GBP3: variants seen among roughly 807,000 people sequenced by gnomAD.
The protein encoded by GBP3 is guanylate binding protein 3.
GBP3 carries 55 observed loss-of-function variants against 62.4 expected under a neutral mutation model. The ratio of observed to expected loss-of-function variants is 0.88; its 90% CI spans 0.71 to 1.10. GBP3 has a LOEUF of 1.10. GBP3 is among the 50% of genes least tolerant of loss of function. The pLI is 0.00. For synonymous variants in GBP3, 208 were observed against 259.2 expected, an observed-to-expected ratio of 0.80 and a Z score of 1.90; for missense variants, 605 against 690.6, an observed-to-expected ratio of 0.88 and a Z score of 1.39.
intron 10 of GBP3, among the ~76,000 whole-genome samples, chr1:89,008,110 T>C (rs1178734103): frequency 1.3e-5 from 2 of 152,138 alleles, no homozygotes; most frequent in Non-Finnish European, 2.9e-5. Context: ...CTATTAATTA[T>C]ACAAAACCTT....
In GBP3 at chr1:89,006,886, C is replaced by T. The variant is rs1425787716; in HGVS notation, c.*838G>A. Reference sequence around the variant, plus strand: ...AAATTGGCAGGATTTCAAGTATGACCTTTAAGAATCAGGAAAAGACTAACT... The same window carrying T: ...AAATTGGCAGGATTTCAAGTATGACTTTTAAGAATCAGGAAAAGACTAACT... On this transcript the variant is annotated 3_prime_UTR_variant, in exon 11 of 11. Transcript: ENST00000370481. The T allele has an allele frequency of 6.6e-6, 1 of 152,130 alleles. No homozygotes were observed. The highest frequency in any genetic ancestry group is 1.5e-5 in the Non-Finnish European group (1 of 68,026). 9.4% of individuals were successfully genotyped at this position (152,130 alleles called of 1,614,324 possible).
intron 5 of GBP3, 131 bp downstream of exon 5, chr1:89,013,952 A>G (rs1678730436): frequency 1.0e-6 from 1 of 989,960 alleles, no homozygotes; most frequent in African/African-American, 1.6e-5. Flanking sequence ...AATAGCAAGC[A>G]TTAATTCTTA....
chr1:89,011,453 C>T (rs1392461424), intron 7 of GBP3, among the ~76,000 whole-genome samples: 1 of 139,468 alleles, frequency 7.2e-6, no homozygotes, highest in African/African-American at 2.5e-5. Flanking sequence ...TTGCATTTGG[C>T]TAGAATATCA....
intron 3 of GBP3, 26 bp from the exon 4 acceptor site, chr1:89,014,682 A>G: frequency 6.2e-7 from 1 of 1,613,746 alleles, no homozygotes; most frequent in African/African-American, 1.3e-5. Flanking sequence ...CACTGGAGTC[A>G]GGAGCAAGTT....
intron 2 of GBP3, among the ~76,000 whole-genome samples, chr1:89,019,160 A>G (rs535069556): frequency 5.2e-5 from 8 of 152,384 alleles, no homozygotes; most frequent in African/African-American, 1.9e-4. Flanking sequence ...AGATATTCAG[A>G]CACCCATGAT....
chr1:89,014,731 G>GTATATC (rs1678791004), intron 3 of GBP3, 75 bp from the exon 4 acceptor site: 2 of 1,569,378 alleles, frequency 1.3e-6, no homozygotes, highest in Admixed American at 1.7e-5. Context: ...AGTAGTAAAA[G>GTATATC]TATATCATAA....
At chr1:89,011,613 G>T in intron 7 of GBP3, 134 bp downstream of exon 7, 1 of 1,105,274 alleles carries the variant, frequency 9.0e-7, no homozygotes, top group East Asian at 2.7e-5. Context: ...TGATTATTAT[G>T]ATTACCAAGA....
At chr1:89,007,944 C>T (rs1678325770) in intron 10 of GBP3, 92 bp from the exon 11 acceptor site, 4 of 1,186,956 alleles carry the variant, frequency 3.4e-6, no homozygotes, top group African/African-American at 3.1e-5. Context: ...TTATTTAGTA[C>T]TTAGTTTTTT....
chr1:89,007,759 T>A lies in GBP3; in HGVS notation c.1753A>T (p.Thr585Ser). 2 of 1,564,750 alleles carry A rather than the reference T, an allele frequency of 1.3e-6. No individual in the cohort carries two copies. The highest frequency in any genetic ancestry group is 1.7e-6 in the Non-Finnish European group (2 of 1,143,324). The change falls in exon 11 of 11, where the codon ACC becomes TCC. Residue 585 changes from threonine (T) to serine (S), a missense_variant. This residue lies in a region of GBP3 where 160 missense variants were observed against 147.8 expected (regional missense o/e 1.08). Coordinates refer to ENST00000370481, the MANE Select transcript of GBP3 (RefSeq NM_018284.3). ...AGCTTATGCGACATATATCTCTTGG[T>A]TTTTTTTTTCAGGGTCTTCTGTAGC... The part of the protein sequence containing the change: ...QKLQKTLKKK[T>S]KRYMSHKLKI
At chr1:89,018,003 C>T (rs1043251959) in intron 2 of GBP3, among the ~76,000 whole-genome samples, 6 of 151,742 alleles carry the variant, frequency 4.0e-5, no homozygotes, top group South Asian at 4.2e-4. Flanking sequence ...CGCTTGAACC[C>T]GGGAGGTGGA....
chr1:89,019,347 G>T (rs189441634), intron 2 of GBP3, among the ~76,000 whole-genome samples: 1 of 152,252 alleles, frequency 6.6e-6, no homozygotes, highest in African/African-American at 2.4e-5. Context: ...GGAGTGCAAA[G>T]GCACGATCTT....
chr1:89,014,843 G>GT (rs1313023166), intron 3 of GBP3, among the ~76,000 whole-genome samples, 187 bp from the exon 4 acceptor site: 3 of 152,200 alleles, frequency 2.0e-5, no homozygotes, highest in East Asian at 3.8e-4. Flanking sequence ...TTTGATTAGT[G>GT]TTTTTTGGTA....
At chr1:89,021,788 T>TGAGAGAGAGAGAGAGAGAGAGAGA (rs146229731) in intron 1 of GBP3, among the ~76,000 whole-genome samples, 14 of 65,360 alleles carry the variant, frequency 2.1e-4, no homozygotes, top group South Asian at 1.8e-3. Flanking sequence ...GCTGGAAAGA[T>TGAGAGAGAGAGAGAGAGAGAGAGA]GAGAGAGAGA....
rs140601989 is a variant in GBP3, at chr1:89,009,040, A to T, written c.1566T>A (p.Tyr522Ter). 4 of 1,614,174 alleles carry T rather than the reference A, an allele frequency of 2.5e-6. No homozygotes were observed. The highest frequency in any genetic ancestry group is 3.4e-6 in the Non-Finnish European group (4 of 1,180,010). Reference sequence around the variant, plus strand: ...CAGTCAATTGTTTCACATGTTCTTGATAACTCTTCTCTTTCTCTTCCATCA... The same window carrying T: ...CAGTCAATTGTTTCACATGTTCTTGTTAACTCTTCTCTTTCTCTTCCATCA... ...QQMMEEKEKS[Y>*]QEHVKQLTEK... Residue 522 changes from tyrosine (Y) to a stop codon, truncating the protein, a stop_gained, in exon 10 of 11, where the codon TAT becomes TAA. Transcript: ENST00000370481. LOFTEE classifies it high-confidence loss of function.
At chr1:89,021,510 G>GCGCGCGCGCGCACACACACACA (rs751639388) in intron 1 of GBP3, among the ~76,000 whole-genome samples, 4 of 131,738 alleles carry the variant, frequency 3.0e-5, no homozygotes, top group African/African-American at 1.2e-4. Context: ...GCGCGCGCGC[G>GCGCGCGCGCGCACACACACACA]CACACACACA....
chr1:89,014,578 T>G lies in GBP3; in HGVS notation c.397A>C (p.Thr133Pro). Residue 133 changes from threonine to proline, a missense_variant, in exon 4 of 11, where the codon ACC (threonine) becomes CCC (proline). Transcript: ENST00000370481. Reference protein sequence around the residue: ...SSTLVYNSMGTINQQAMDQLY... With the variant: ...SSTLVYNSMGPINQQAMDQLY... ...TGGTCCATAGCCTGCTGGTTGATGG[T>G]TCCCATGCTATTGTACACGAGAGTG... The G allele has an allele frequency of 6.2e-7, 1 of 1,614,126 alleles. No homozygotes were observed. Among genetic ancestry groups the G allele is most frequent in the Non-Finnish European group, 8.5e-7 (1 of 1,179,992 alleles).
In GBP3 at chr1:89,007,403, C is replaced by T; in HGVS notation, c.*321G>A. ...TATTGGGACCCATTGTACACTTGGC[C>T]AAACCAGTGCCCAAATATGTCCCAA... is the stretch of plus-strand genomic sequence containing the variant. On this transcript the variant is annotated 3_prime_UTR_variant, in exon 11 of 11. Transcript: ENST00000370481. 1 of 234,804 alleles carries T rather than the reference C, an allele frequency of 4.3e-6. No individual in the cohort carries two copies. Among genetic ancestry groups the T allele is most frequent in the Non-Finnish European group, 8.3e-6 (1 of 120,324 alleles). The allele number at this position is 234,804 out of a possible 1,614,324, so 14.5% of individuals were successfully genotyped here.
At position 89,009,383 on chromosome 1, in the gene GBP3, G is replaced by C; in HGVS notation, c.1465+9C>G. On this transcript the variant is annotated intron_variant, in intron 9 of 10. Transcript: ENST00000370481. Reference sequence around the variant, plus strand: ...TTAGGATAATCTGATCCTTTGACTTGCTCCTCACCTTCAATCTCCTTTTCC... The same window carrying C: ...TTAGGATAATCTGATCCTTTGACTTCCTCCTCACCTTCAATCTCCTTTTCC... The C allele has an allele frequency of 6.2e-7, 1 of 1,612,252 alleles. No individual in the cohort carries two copies. Among genetic ancestry groups the C allele is most frequent in the Non-Finnish European group, 8.5e-7 (1 of 1,178,348 alleles).
chr1:89,009,214 T>C, intron 9 of GBP3, 74 bp from the exon 10 acceptor site: 1 of 1,482,028 alleles, frequency 6.7e-7, no homozygotes, highest in Non-Finnish European at 9.3e-7. Context: ...TACCCTCCAT[T>C]GTTGCTGCTG....
Sources: allele counts gnomAD v4.1 joint callset (sites outside exome capture counted in the v4.1 genomes callset), GRCh38; gene constraint gnomAD v4.1.1; regional missense constraint gnomAD v4.1.1; transcripts MANE v1.5; gene names NCBI Gene and HGNC (gene_info 2026-07-23, HGNC 2026-07-21).